PCDHGA3: variants seen among roughly 807,000 people sequenced by gnomAD.
PCDHGA3 encodes protocadherin gamma subfamily A, 3.
Under a neutral mutation model 58.5 loss-of-function variants are expected in PCDHGA3, and 40 were observed. The observed-to-expected ratio is 0.68, with a 90% CI of 0.53 to 0.89. The LOEUF (loss-of-function observed/expected upper bound fraction) is 0.89, where lower values mean the gene tolerates loss of function less well. Among genes scored for constraint, PCDHGA3 ranks in the 40% least tolerant of loss-of-function variants. PCDHGA3 has a pLI of 0.00. For synonymous variants in PCDHGA3, 530 were observed against 525.7 expected (o/e 1.01, Z -0.11); for missense variants, 1,223 against 1,195.9 (o/e 1.02, Z -0.33).
intron 1 of PCDHGA3, chr5:141,418,453 G>T (rs2096259626): frequency 1.2e-6 from 2 of 1,614,060 alleles, no homozygotes; most frequent in East Asian, 4.5e-5. Flanking sequence ...TATTGCAGAA[G>T]ACTCTGGACC....
chr5:141,404,029 C>T (rs1363448), intron 1 of PCDHGA3: 736,203 of 1,612,620 alleles, frequency 0.46, 175,243 homozygotes, highest in African/African-American at 0.8. Flanking sequence ...TGAGAGAAGA[C>T]GCACCTCAGG....
chr5:141,511,028 T>C lies in PCDHGA3; in HGVS notation c.2654T>C (p.Leu885Pro). ...GCCCGCTACGGACCCCAGTTCACCC[T>C]GCAGCACGTGCCCGACTACCGCCAG... ...LSARYGPQFTLQHVPDYRQNV... is the reference protein window; with the variant it reads ...LSARYGPQFTPQHVPDYRQNV... The change falls in exon 4 of 4, where the codon CTG becomes CCG. Residue 885 changes from leucine (L) to proline (P), a missense_variant. Leu to Pro is a moderately conservative substitution (Grantham distance 98, BLOSUM62 -3). Around this residue, in one of 3 missense-constraint regions of PCDHGA3, gnomAD observed 325 missense variants for 327.5 expected, o/e 0.99. Transcript: ENST00000253812. 1 of 1,614,202 alleles carries C rather than the reference T, an allele frequency of 6.2e-7. No homozygotes were observed. Among genetic ancestry groups the C allele is most frequent in the Non-Finnish European group, 8.5e-7 (1 of 1,180,028 alleles).
chr5:141,428,376 A>G (rs2097136159), intron 1 of PCDHGA3: 2 of 528,068 alleles, frequency 3.8e-6, no homozygotes, highest in African/African-American at 1.9e-5. Flanking sequence ...TGCACCTGCG[A>G]TGCTCTTCCA....
At chr5:141,404,773 C>T (rs753809742) in intron 1 of PCDHGA3, 1 of 1,613,856 alleles carries the variant, frequency 6.2e-7, no homozygotes, top group South Asian at 1.1e-5. Flanking sequence ...TCTCCTACCG[C>T]CTATTCAAGG....
intron 1 of PCDHGA3, chr5:141,351,119 C>A (rs1475553712): frequency 9.3e-6 from 15 of 1,614,056 alleles, no homozygotes; most frequent in Non-Finnish European, 1.3e-5. Context: ...AAGTACCAGC[C>A]TCTTCAATCT....
intron 1 of PCDHGA3, among the ~76,000 whole-genome samples, chr5:141,454,750 T>C (rs992030704): frequency 1.3e-5 from 2 of 150,108 alleles, no homozygotes; most frequent in Admixed American, 6.7e-5. Flanking sequence ...GAGGCCAAAC[T>C]AATCTTGACA....
intron 1 of PCDHGA3, among the ~76,000 whole-genome samples, chr5:141,449,422 C>A (rs1041930577): frequency 4.0e-5 from 6 of 151,724 alleles, no homozygotes; most frequent in Non-Finnish European, 7.4e-5. Flanking sequence ...GCCTGGCCAA[C>A]ATGATAAAAC....
Position 141,491,916 on chromosome 5 carries a change from G to T in PCDHGA3, c.2425-2891G>T. ...GAGCACCGGGGGTGGTGGCGACTGT[G>T]GGCGAGGGGAGGTGGGACCGACCCC... On this transcript the variant is annotated intron_variant, in intron 1 of 3. Transcript: ENST00000253812. The surrounding 1 kb of genome is among the most constrained non-coding windows in gnomAD (Gnocchi z 6.9). 2 of 1,386,662 alleles carry T rather than the reference G, an allele frequency of 1.4e-6. No homozygotes were observed. Among genetic ancestry groups the T allele is most frequent in the African/African-American group, 1.5e-5 (1 of 68,510 alleles). The allele number at this position is 1,386,662 out of a possible 1,614,324, so 85.9% of individuals were successfully genotyped here.
At chr5:141,373,821 G>C (rs1268202879) in intron 1 of PCDHGA3, 1 of 364,140 alleles carries the variant, frequency 2.7e-6, no homozygotes, top group African/African-American at 2.1e-5. Flanking sequence ...TTCACAAAAC[G>C]ATGCAGTATT....
chr5:141,418,505 G>A, intron 1 of PCDHGA3: 1 of 1,614,006 alleles, frequency 6.2e-7, no homozygotes, highest in Non-Finnish European at 8.5e-7. Flanking sequence ...GACCGCCTTA[G>A]ATGGTGGGGA....
At position 141,384,907 on chromosome 5, in the gene PCDHGA3, G is replaced by A. The variant is rs753215361; in HGVS notation, c.2424+38450G>A. 1.5e-5 allele frequency: 24 copies of A among 1,613,952 alleles called. No homozygotes were observed. The South Asian group carries it at 2.3e-4, about 16-fold the overall frequency. ...CGTGGCTGTGGCTGACAGCATCCCCGAAGTCTTGGCCGACCTGGGCAGCCT... is the reference window on the plus strand; with the variant it reads ...CGTGGCTGTGGCTGACAGCATCCCCAAAGTCTTGGCCGACCTGGGCAGCCT... On this transcript the variant is annotated intron_variant, in intron 1 of 3. Transcript: ENST00000253812.
At chr5:141,478,832 G>A in intron 1 of PCDHGA3, 1 of 1,435,464 alleles carries the variant, frequency 7.0e-7, no homozygotes, top group South Asian at 1.5e-5. Context: ...TCTTGCTAAG[G>A]GATGGTTAAG....
intron 1 of PCDHGA3, chr5:141,384,775 G>T (rs1392115505): frequency 1.9e-6 from 3 of 1,613,792 alleles, no homozygotes; most frequent in African/African-American, 1.3e-5. Context: ...CACGGGCGAG[G>T]TGCGCACGGC....
chr5:141,432,659 G>A lies in PCDHGA3; in HGVS notation c.2425-62148G>A. On this transcript the variant is annotated intron_variant, in intron 1 of 3. Coordinates refer to ENST00000253812, the MANE Select transcript of PCDHGA3 (RefSeq NM_018916.4). This position sits in a 1 kb window ranked among gnomAD's most constrained non-coding sequence, Gnocchi z 6.0. ...GGTGCGCACGGCGCGAGCCCTGCTG[G>A]ACAGAGACGCGCTCAAGCAGAGCCT... 1 of 1,613,884 alleles carries A rather than the reference G, an allele frequency of 6.2e-7. No homozygotes were observed. The highest frequency in any genetic ancestry group is 8.5e-7 in the Non-Finnish European group (1 of 1,179,956).
rs571984924 is a variant in PCDHGA3 at position 141,383,845 on chromosome 5, G to T, written c.2424+37388G>T. ...AGATTATGAAGAAACTGCCTTCTAT[G>T]AAATGGAGGTTCAGGCTCAAGATGG... On this transcript the variant is annotated intron_variant, in intron 1 of 3. Coordinates refer to ENST00000253812, the MANE Select transcript of PCDHGA3 (RefSeq NM_018916.4). The T allele has an allele frequency of 1.6e-4, 259 of 1,613,938 alleles. 1 individual carries two copies. The South Asian group carries it at 2.6e-3, about 16-fold the overall frequency.
At position 141,432,540 on chromosome 5, in the gene PCDHGA3, T is replaced by A. The variant is rs147884705; in HGVS notation, c.2425-62267T>A. 7.6e-4 allele frequency: 1,222 copies of A among 1,613,608 alleles called. 1 individual carries two copies. The highest frequency in any genetic ancestry group is 1.1e-3 in the Admixed American group (64 of 59,988). ...TACCTGGTGACCAAGGTGGTGGCGG[T>A]GGACAGAGACTCCGGCCAGAACGCC... On this transcript the variant is annotated intron_variant, in intron 1 of 3. Transcript: ENST00000253812. This position sits in a 1 kb window ranked among gnomAD's most constrained non-coding sequence, Gnocchi z 6.0.
At chr5:141,472,109 A>G (rs1353132107) in intron 1 of PCDHGA3, among the ~76,000 whole-genome samples, 2 of 152,234 alleles carry the variant, frequency 1.3e-5, no homozygotes, top group Non-Finnish European at 2.9e-5. Flanking sequence ...TTTTATACAT[A>G]AAGAAAATAA....
intron 1 of PCDHGA3, chr5:141,409,668 A>G: frequency 6.2e-7 from 1 of 1,613,398 alleles, no homozygotes; most frequent in Non-Finnish European, 8.5e-7. Context: ...CACATCTCCT[A>G]CTCTATAGTG....
At chr5:141,374,291 G>A (rs988844728) in intron 1 of PCDHGA3, 2 of 1,613,858 alleles carry the variant, frequency 1.2e-6, no homozygotes, top group African/African-American at 1.3e-5. Flanking sequence ...CGTCTCCAGA[G>A]GTAGGATGCA....
Sources: allele counts gnomAD v4.1 joint callset (sites outside exome capture counted in the v4.1 genomes callset), GRCh38; gene constraint gnomAD v4.1.1; regional missense constraint gnomAD v4.1.1; non-coding constraint Gnocchi (gnomAD v3.1); transcripts MANE v1.5; gene names NCBI Gene and HGNC (gene_info 2026-07-23, HGNC 2026-07-21).